CDH12: variants seen among roughly 807,000 people sequenced by gnomAD.
The protein encoded by CDH12 is cadherin 12, also known as cadherin-12.
Under a neutral mutation model 74.1 loss-of-function variants are expected in CDH12, and 41 were observed. The observed-to-expected ratio is 0.55, with a 90% CI of 0.43 to 0.72. The LOEUF (loss-of-function observed/expected upper bound fraction) is 0.72. Ranked by LOEUF, CDH12 falls within the 30% of genes least tolerant of loss-of-function variation. CDH12 has a pLI of 0.00. For missense variants in CDH12, 945 were observed against 977.2 expected, an observed-to-expected ratio of 0.97 and a Z score of 0.44; for synonymous variants, 399 against 355.0, an observed-to-expected ratio of 1.12 and a Z score of -1.39.
At chr5:21,969,092 A>G (rs1011612645) in intron 6 of CDH12, among the ~76,000 whole-genome samples, 58 of 151,966 alleles carry the variant, frequency 3.8e-4, no homozygotes, top group African/African-American at 1.4e-3. Flanking sequence ...ATGTTTATCA[A>G]TGTAACAAAC....
intron 3 of CDH12, among the ~76,000 whole-genome samples, chr5:22,294,244 T>C (rs1737527536): frequency 6.6e-6 from 1 of 151,528 alleles, no homozygotes. Context: ...GAGGGAAGAG[T>C]GTTCCCTGTG....
intron 1 of CDH12, among the ~76,000 whole-genome samples, chr5:22,769,770 C>T (rs1435437693): frequency 6.6e-6 from 1 of 151,142 alleles, no homozygotes; most frequent in African/African-American, 2.4e-5. Flanking sequence ...GTAACCAAAA[C>T]AATACAAATA....
intron 6 of CDH12, among the ~76,000 whole-genome samples, chr5:21,877,942 A>G (rs114469412): frequency 0.011 from 1,675 of 152,350 alleles, 31 homozygotes; most frequent in African/African-American, 0.038. Flanking sequence ...TTATTATAGC[A>G]GTTCACATTA....
intron 2 of CDH12, among the ~76,000 whole-genome samples, chr5:22,478,354 C>T (rs1362110901): frequency 7.6e-6 from 1 of 131,152 alleles, no homozygotes; most frequent in African/African-American, 2.9e-5. Flanking sequence ...GGAGGCGGAG[C>T]TTTCAGTGAG....
intron 6 of CDH12, among the ~76,000 whole-genome samples, chr5:21,894,844 G>T (rs1014252612): frequency 1.3e-5 from 2 of 151,864 alleles, no homozygotes; most frequent in African/African-American, 4.8e-5. Flanking sequence ...TCTTTCTCTG[G>T]ATACCTTGTG....
chr5:22,222,490 C>T (rs1307607862), intron 3 of CDH12, among the ~76,000 whole-genome samples: 1 of 151,840 alleles, frequency 6.6e-6, no homozygotes, highest in Non-Finnish European at 1.5e-5. Context: ...TTAATTAATG[C>T]TTTTCAATCT....
At chr5:22,481,960 A>T (rs1248824291) in intron 2 of CDH12, among the ~76,000 whole-genome samples, 1 of 152,190 alleles carries the variant, frequency 6.6e-6, no homozygotes, top group Non-Finnish European at 1.5e-5. Flanking sequence ...TACATTAATT[A>T]TATGTTGTAT....
At chr5:22,794,774 A>T (rs1262158061) in intron 1 of CDH12, among the ~76,000 whole-genome samples, 1 of 152,170 alleles carries the variant, frequency 6.6e-6, no homozygotes, top group Non-Finnish European at 1.5e-5. Context: ...GGGATTTTGC[A>T]GATGTGATTA....
chr5:21,759,231 AT>A (rs559781767), intron 13 of CDH12, among the ~76,000 whole-genome samples: 8 of 151,928 alleles, frequency 5.3e-5, no homozygotes, highest in Non-Finnish European at 1.2e-4. Flanking sequence ...TGCAGGTAGA[AT>A]TTTTTATCTG....
intron 4 of CDH12, among the ~76,000 whole-genome samples, chr5:22,183,066 T>C (rs1356838638): frequency 6.7e-6 from 1 of 149,690 alleles, no homozygotes; most frequent in African/African-American, 2.5e-5. Flanking sequence ...GATAAAGTTA[T>C]GAATGTGGCT....
chr5:22,430,662 C>T (rs893810474), intron 2 of CDH12, among the ~76,000 whole-genome samples: 1 of 152,052 alleles, frequency 6.6e-6, no homozygotes, highest in Non-Finnish European at 1.5e-5. Context: ...TATACTGCAA[C>T]AAATTGTTAC....
chr5:22,806,351 C>CTT (rs35491823), intron 1 of CDH12, among the ~76,000 whole-genome samples: 73 of 126,340 alleles, frequency 5.8e-4, no homozygotes, highest in African/African-American at 1.5e-3. Flanking sequence ...GATTGCCATT[C>CTT]TTTTTTTTTT....
At chr5:22,507,461 A>C (rs1373418980) in intron 1 of CDH12, among the ~76,000 whole-genome samples, 1 of 152,170 alleles carries the variant, frequency 6.6e-6, no homozygotes, top group Non-Finnish European at 1.5e-5. Context: ...AAAGTTTAGT[A>C]GAAAATACAG....
intron 1 of CDH12, among the ~76,000 whole-genome samples, chr5:22,724,298 T>C (rs1744052641): frequency 6.6e-6 from 1 of 151,972 alleles, no homozygotes; most frequent in Admixed American, 6.6e-5. Context: ...GTAAGTCATT[T>C]AGTGTTGATT....
chr5:22,810,072 A>G (rs1749059501), intron 1 of CDH12, among the ~76,000 whole-genome samples: 1 of 152,090 alleles, frequency 6.6e-6, no homozygotes, highest in African/African-American at 2.4e-5. Context: ...TCTAAATAAC[A>G]AAACCAGGGG....
chr5:22,368,135 C>G (rs981425203), intron 3 of CDH12, among the ~76,000 whole-genome samples: 1 of 151,904 alleles, frequency 6.6e-6, no homozygotes, highest in Non-Finnish European at 1.5e-5. Flanking sequence ...AATATATATT[C>G]ATTATTAATC....
intron 3 of CDH12, among the ~76,000 whole-genome samples, chr5:22,372,194 A>G (rs1251021642): frequency 3.3e-5 from 5 of 152,146 alleles, no homozygotes; most frequent in Non-Finnish European, 7.3e-5. Context: ...CAGCCAGTGT[A>G]TGCCTCTTGC....
intron 2 of CDH12, among the ~76,000 whole-genome samples, chr5:22,444,927 G>C (rs1424708389): frequency 6.6e-6 from 1 of 151,766 alleles, no homozygotes; most frequent in Non-Finnish European, 1.5e-5. Flanking sequence ...ATGTTCTCCA[G>C]AAGACATATT....
At chr5:21,774,847 T>C (rs1745501748) in intron 11 of CDH12, among the ~76,000 whole-genome samples, 1 of 152,184 alleles carries the variant, frequency 6.6e-6, no homozygotes, top group African/African-American at 2.4e-5. Context: ...AAAAGTCAAC[T>C]ACAGTCTTTG....
Sources: gnomAD v4.1 joint callset for allele counts (sites outside exome capture counted in the v4.1 genomes callset) on GRCh38, gnomAD v4.1.1 for gene constraint, MANE v1.5 for transcripts, NCBI Gene and HGNC (gene_info 2026-07-23, HGNC 2026-07-21) for gene names.